Variants in EHF observed in about 807,000 individuals in gnomAD.
EHF encodes the protein ESE3 transcription factor.
In EHF, 14 loss-of-function variants were observed where a neutral mutation model predicts 45.1. The observed-to-expected ratio is 0.31, with a 90% confidence interval of 0.21 to 0.49. The LOEUF (loss-of-function observed/expected upper bound fraction) is 0.49, where lower values mean the gene tolerates loss of function less well. EHF is among the 20% of genes least tolerant of loss of function. EHF has a pLI of 0.99. For missense variants in EHF, 282 were observed against 371.4 expected, an observed-to-expected ratio of 0.76 and a Z score of 1.98; for synonymous variants, 136 against 131.8, an observed-to-expected ratio of 1.03 and a Z score of -0.22.
chr11:34,646,863 T>A, intron 3 of EHF, 179 bp downstream of exon 3: 1 of 755,454 alleles, frequency 1.3e-6, no homozygotes, highest in South Asian at 1.8e-5. Flanking sequence ...AAGCATAGGG[T>A]ACCTGGTGTG....
chr11:34,629,630 T>G (rs1477833510), intron 1 of EHF, among the ~76,000 whole-genome samples: 1 of 152,200 alleles, frequency 6.6e-6, no homozygotes, highest in Non-Finnish European at 1.5e-5. Context: ...GTTCCAAAAT[T>G]CAAAACAGGG....
At chr11:34,652,373 T>A (rs1216359020) in intron 6 of EHF, among the ~76,000 whole-genome samples, 1 of 152,230 alleles carries the variant, frequency 6.6e-6, no homozygotes, top group Non-Finnish European at 1.5e-5. Flanking sequence ...ATGAGTTACG[T>A]TCACTTTAGC....
At chr11:34,630,390 A>T (rs1852765333) in intron 1 of EHF, among the ~76,000 whole-genome samples, 1 of 152,218 alleles carries the variant, frequency 6.6e-6, no homozygotes, top group African/African-American at 2.4e-5. Context: ...TAAATGAGGT[A>T]ATTCATGTAA....
chr11:34,629,439 A>G (rs1429434698), intron 1 of EHF, among the ~76,000 whole-genome samples: 4 of 152,184 alleles, frequency 2.6e-5, no homozygotes, highest in Non-Finnish European at 5.9e-5. Flanking sequence ...CTAAAAACAA[A>G]CTCAGCTTTC....
At chr11:34,639,841 G>C (rs1853805500) in intron 1 of EHF, among the ~76,000 whole-genome samples, 1 of 152,214 alleles carries the variant, frequency 6.6e-6, no homozygotes, top group Non-Finnish European at 1.5e-5. Context: ...TTTGCAGGAG[G>C]ATGGTGATGG....
Position 34,648,892 on chromosome 11 carries a change from A to G in EHF, c.344-127A>G, listed in dbSNP as rs567511305. ...CTGACAGAGAAACCACCTCCCATAA[A>G]CAAACATAGGTGACCAGGCAGTAGG... On this transcript the variant is annotated intron_variant, in intron 3 of 8. Transcript: ENST00000257831. 11 of 863,834 alleles carry G rather than the reference A, an allele frequency of 1.3e-5. No individual in the cohort carries two copies. In the South Asian group the frequency reaches 1.5e-4, roughly 12 times the overall value. The allele number at this position is 863,834 out of a possible 1,614,324, so 53.5% of individuals were successfully genotyped here.
rs532793204 is a variant in EHF at position 34,661,203 on chromosome 11, TACTTGAATGGGTATA to T, written c.*2275_*2289del. The T allele has an allele frequency of 3.9e-5, 6 of 152,278 alleles. No homozygotes were observed. The highest frequency in any genetic ancestry group is 3.9e-4 in the Admixed American group (6 of 15,280). 9.4% of individuals were successfully genotyped at this position (152,278 alleles called of 1,614,324 possible). On this transcript the variant is annotated 3_prime_UTR_variant, in exon 9 of 9. Coordinates refer to ENST00000257831, the MANE Select transcript of EHF (RefSeq NM_012153.6). ...GCATAGAATGAATTAAATATCCAGT[TACTTGAATGGGTATA>T]ACGCATGAATATTTGTGTGTCTGTG...
At chr11:34,637,540 G>A (rs1853563993) in intron 1 of EHF, among the ~76,000 whole-genome samples, 1 of 152,190 alleles carries the variant, frequency 6.6e-6, no homozygotes, top group Admixed American at 6.5e-5. Context: ...TTTCAGATTG[G>A]CCAAGCCCCA....
At chr11:34,642,266 A>T (rs1854077400) in intron 1 of EHF, 2 of 187,238 alleles carry the variant, frequency 1.1e-5, no homozygotes, top group Admixed American at 5.5e-5. Context: ...TTTAAATAAA[A>T]TCTCCTTGGC....
chr11:34,639,549 C>T (rs565307695), intron 1 of EHF, among the ~76,000 whole-genome samples: 1 of 152,372 alleles, frequency 6.6e-6, no homozygotes, highest in Non-Finnish European at 1.5e-5. Flanking sequence ...GGGTAGGACT[C>T]GGCCAAAGCC....
chr11:34,637,938 G>C (rs1477469986), intron 1 of EHF, among the ~76,000 whole-genome samples: 3 of 143,084 alleles, frequency 2.1e-5, no homozygotes, highest in African/African-American at 7.8e-5. Context: ...GTCTCGCTCT[G>C]TTGCCCAGGC....
chr11:34,643,033 G>A (rs1161206779), intron 2 of EHF, among the ~76,000 whole-genome samples: 1 of 151,576 alleles, frequency 6.6e-6, no homozygotes, highest in Non-Finnish European at 1.5e-5. Context: ...ATAGTGTTTT[G>A]CTGGGATATC....
intron 7 of EHF, among the ~76,000 whole-genome samples, chr11:34,657,991 G>T (rs1855823639): frequency 6.6e-6 from 1 of 151,796 alleles, no homozygotes; most frequent in Non-Finnish European, 1.5e-5. Flanking sequence ...TTTCAAATTG[G>T]GTCCTCCAGT....
rs774818217 is a variant in EHF at position 34,646,691 on chromosome 11, C to G, written c.343+7C>G. On this transcript the variant is annotated splice_region_variant and intron_variant, in intron 3 of 8. Coordinates refer to ENST00000257831, the MANE Select transcript of EHF (RefSeq NM_012153.6). ...CAGCATCTGAAGTGGAACGGTGACTCTCTCTTTCTGTGTCTCTCCCTACCC... is the reference window on the plus strand; with the variant it reads ...CAGCATCTGAAGTGGAACGGTGACTGTCTCTTTCTGTGTCTCTCCCTACCC... The G allele has an allele frequency of 1.2e-6, 2 of 1,606,948 alleles. No homozygotes were observed. The highest frequency in any genetic ancestry group is 1.7e-6 in the Non-Finnish European group (2 of 1,179,942).
chr11:34,632,666 A>C, intron 1 of EHF: 1 of 1,535,490 alleles, frequency 6.5e-7, no homozygotes, highest in Non-Finnish European at 8.7e-7. Flanking sequence ...GGTCATTCTC[A>C]AATGCCAGAG....
At chr11:34,651,430 G>T in intron 4 of EHF, 112 bp from the exon 5 acceptor site, 1 of 813,098 alleles carries the variant, frequency 1.2e-6, no homozygotes, top group South Asian at 1.5e-5. Flanking sequence ...TTGTCTCTGA[G>T]GACCACTCCT....
chr11:34,626,681 G>A (rs1852403153), intron 1 of EHF, among the ~76,000 whole-genome samples: 1 of 152,152 alleles, frequency 6.6e-6, no homozygotes, highest in Non-Finnish European at 1.5e-5. Flanking sequence ...ATTCCACTAG[G>A]CAGAAGGCTG....
chr11:34,646,029 T>TG (rs1854483279), intron 2 of EHF, among the ~76,000 whole-genome samples: 2 of 27,468 alleles, frequency 7.3e-5, no homozygotes, highest in Non-Finnish European at 1.1e-4. Flanking sequence ...AGTTTGGTGG[T>TG]GTGTGTGTGT....
intron 1 of EHF, among the ~76,000 whole-genome samples, chr11:34,622,938 C>T (rs77566387): frequency 0.015 from 2,215 of 152,208 alleles, 49 homozygotes; most frequent in African/African-American, 0.051. Context: ...TACATGACCG[C>T]GCAAGATGGT....
Sources: allele counts gnomAD v4.1 joint callset (sites outside exome capture counted in the v4.1 genomes callset), GRCh38; gene constraint gnomAD v4.1.1; transcripts MANE v1.5; gene names NCBI Gene and HGNC (gene_info 2026-07-23, HGNC 2026-07-21).